The following CRELD1 variants were observed in gnomAD, a reference collection of about 807,000 sequenced individuals.
CRELD1 encodes the protein protein disulfide isomerase CRELD1.
Under a neutral mutation model 58.2 loss-of-function variants are expected in CRELD1, and 42 were observed. That is an observed-to-expected ratio of 0.72 (90% CI 0.56 to 0.93). CRELD1 has a LOEUF of 0.93. CRELD1 is among the 40% of genes least tolerant of loss of function. CRELD1 has a pLI of 0.00. For missense variants in CRELD1, 500 were observed against 540.6 expected (o/e 0.92, Z 0.74); for synonymous variants, 222 against 202.0 (o/e 1.10, Z -0.84).
At chr3:9,935,943 T>C (rs1483892495) in intron 3 of CRELD1, 2 of 152,142 alleles carry the variant, frequency 1.3e-5, no homozygotes, top group East Asian at 1.9e-4. Context: ...AAGAAAGCCA[T>C]GGGAAGGATA....
At chr3:9,938,167 T>C (rs920234388) in intron 5 of CRELD1, 61 bp downstream of exon 5, 3 of 1,298,896 alleles carry the variant, frequency 2.3e-6, no homozygotes, top group African/African-American at 1.5e-5. Flanking sequence ...GATCCAGTCC[T>C]GGCTCTGTCC....
chr3:9,937,710 G>A lies in CRELD1; in HGVS notation c.368+38G>A, dbSNP rs374957193. On this transcript the variant is annotated intron_variant, in intron 4 of 10. Transcript: ENST00000452070. Reference sequence around the variant, plus strand: ...GGGCCTTCCCTGGAAGTGGGTCACAGGTGAGGCCTGGTGATAAGGCCTGAT... The same window carrying A: ...GGGCCTTCCCTGGAAGTGGGTCACAAGTGAGGCCTGGTGATAAGGCCTGAT... 3.5e-5 allele frequency: 48 copies of A among 1,387,344 alleles called. No individual in the cohort carries two copies. In the African/African-American group the frequency reaches 6.6e-4, roughly 19 times the overall value. The allele number at this position is 1,387,344 out of a possible 1,614,324, so 85.9% of individuals were successfully genotyped here.
Position 9,944,520 on chromosome 3 carries a change from G to A in CRELD1, c.1204G>A (p.Gly402Ser), listed in dbSNP as rs1215649598. Residue 402 changes from glycine to serine, a missense_variant, in exon 11 of 11, where the codon GGC (glycine) becomes AGC (serine). Gly to Ser is a moderately conservative substitution (Grantham distance 56). Transcript: ENST00000452070. ...IFIGAVAAMTGYWLSERSDRV... is the reference protein window; with the variant it reads ...IFIGAVAAMTSYWLSERSDRV... ...CATTGGGGCTGTGGCGGCCATGACTGGCTACTGGTTGTCAGAGCGCAGTGA... is the reference window on the plus strand; with the variant it reads ...CATTGGGGCTGTGGCGGCCATGACTAGCTACTGGTTGTCAGAGCGCAGTGA... 2 of 1,612,388 alleles carry A rather than the reference G, an allele frequency of 1.2e-6. No homozygotes were observed. The highest frequency in any genetic ancestry group is 1.7e-5 in the Admixed American group (1 of 60,026).
chr3:9,937,733 G>C, intron 4 of CRELD1, 61 bp downstream of exon 4: 1 of 1,207,192 alleles, frequency 8.3e-7, no homozygotes, highest in Non-Finnish European at 1.2e-6. Context: ...GATAAGGCCT[G>C]ATTTGGCCGA....
chr3:9,943,556 A>T, intron 10 of CRELD1, 41 bp downstream of exon 10: 1 of 1,613,462 alleles, frequency 6.2e-7, no homozygotes, highest in Non-Finnish European at 8.5e-7. Flanking sequence ...TCATTCAAAG[A>T]GAAGGCAGGC....
chr3:9,941,297 C>T, intron 7 of CRELD1, 91 bp downstream of exon 7: 10 of 1,122,764 alleles, frequency 8.9e-6, no homozygotes, highest in Non-Finnish European at 1.3e-5. Context: ...CTAGACTAGC[C>T]TAGTCTCCAC....
intron 5 of CRELD1, among the ~76,000 whole-genome samples, chr3:9,939,790 T>C (rs7619410): frequency 0.037 from 5,443 of 147,208 alleles, 268 homozygotes; most frequent in African/African-American, 0.11. Context: ...CCTTTCCCCC[T>C]TTTCTATTCC....
At chr3:9,943,206 G>A (rs750115424) in intron 9 of CRELD1, 34 bp downstream of exon 9, 1 of 1,590,398 alleles carries the variant, frequency 6.3e-7, no homozygotes, top group Non-Finnish European at 8.6e-7. Context: ...CAGGCACCTG[G>A]GAGTGCCTCA....
chr3:9,943,848 C>G, intron 10 of CRELD1: 3 of 1,613,844 alleles, frequency 1.9e-6, no homozygotes, highest in Non-Finnish European at 2.5e-6. Context: ...GTAATCACAA[C>G]GATGATGGCA....
rs79223485 is a variant in CRELD1, at chr3:9,943,171, C to T, written c.912C>T (p.Leu304=). ...ATCAGCAGGTGGGCTCCAAGTGTCT[C>T]GGTGAGTCTCCTGCTGATGGGACAC... The part of the protein sequence containing the change: ...PGYQQVGSKC[L]DVDECETEVC... The change falls in exon 9 of 11, where the codon CTC becomes CTT. Residue 304 remains leucine (L), a splice_region_variant and synonymous_variant. Transcript: ENST00000452070. 3.7e-3 allele frequency: 5,900 copies of T among 1,612,092 alleles called. 183 individuals are homozygous for T. In the African/African-American group the frequency reaches 0.067, roughly 18 times the overall value.
rs1003739290 is a variant in CRELD1 at position 9,934,383 on chromosome 3, T to TC, written c.-19-35dup. On this transcript the variant is annotated intron_variant, in intron 1 of 10. Coordinates refer to ENST00000452070, the MANE Select transcript of CRELD1 (RefSeq NM_001077415.3). The stretch of plus-strand genomic sequence containing the variant: ...TTTTCTTTCTCGCGTGGGGCCTGAC[T>TC]CCTTCAGTGAAGCCTCTCCACGCCC... 549 of 1,484,700 alleles carry TC rather than the reference T, an allele frequency of 3.7e-4. 8 individuals are homozygous for TC. The highest frequency in any genetic ancestry group is 2.8e-4 in the Admixed American group (17 of 59,824). The allele number at this position is 1,484,700 out of a possible 1,614,324, so 92.0% of individuals were successfully genotyped here.
chr3:9,942,647 C>G, intron 7 of CRELD1, 166 bp from the exon 8 acceptor site: 1 of 670,672 alleles, frequency 1.5e-6, no homozygotes, highest in Middle Eastern at 2.4e-4. Flanking sequence ...AATGTGGTCT[C>G]TGGCTGGGCA....
Position 9,934,474 on chromosome 3 carries a change from T to G in CRELD1, c.36T>G (p.Ala12=). Residue 12 remains alanine, a synonymous_variant, in exon 2 of 11, where the codon GCT becomes GCG. Transcript: ENST00000452070. ...APWPPKGLVP[A]MLWGLSLFLN... ...GGCCCCCGAAGGGCCTAGTCCCAGC[T>G]ATGCTCTGGGGCCTCAGCCTCTTCC... 1 of 1,613,968 alleles carries G rather than the reference T, an allele frequency of 6.2e-7. No individual in the cohort carries two copies. The highest frequency in any genetic ancestry group is 8.5e-7 in the Non-Finnish European group (1 of 1,179,934).
At position 9,940,127 on chromosome 3, in the gene CRELD1, G is replaced by C. The variant is rs915385848; in HGVS notation, c.461-723G>C. ...GACGGGGTCGCGGCCGGGCAGAGAC[G>C]CTCCTCACTTCCTAGATGGGATGGC... On this transcript the variant is annotated intron_variant, in intron 5 of 10. Transcript: ENST00000452070. 4.6e-5 allele frequency among the ~76,000 whole-genome samples: 7 copies of C among 151,462 alleles called. No individual in the cohort carries two copies. In the South Asian group the frequency reaches 1.3e-3, roughly 27 times the overall value.
Position 9,943,488 on chromosome 3 carries a change from G to A in CRELD1, c.1021G>A (p.Gly341Ser), listed in dbSNP as rs1286456694. ...ICAEGYKQME[G>S]ICVKEQIPES... ...TGCCGAGGGCTACAAGCAGATGGAAGGCATCTGTGTGAAGGAGCAGATCCC... is the reference window on the plus strand; with the variant it reads ...TGCCGAGGGCTACAAGCAGATGGAAAGCATCTGTGTGAAGGAGCAGATCCC... The change falls in exon 10 of 11, where the codon GGC (glycine) becomes AGC (serine). Residue 341 changes from glycine (G) to serine (S), a missense_variant. By Grantham distance (56) the Gly-to-Ser change is moderately conservative. Coordinates refer to ENST00000452070, the MANE Select transcript of CRELD1 (RefSeq NM_001077415.3). The A allele has an allele frequency of 2.5e-6, 4 of 1,614,112 alleles. No homozygotes were observed. The highest frequency in any genetic ancestry group is 2.2e-5 in the East Asian group (1 of 44,858).
intron 3 of CRELD1, 108 bp from the exon 4 acceptor site, chr3:9,937,454 G>A (rs573657276): frequency 3.9e-4 from 300 of 766,186 alleles, no homozygotes; most frequent in Non-Finnish European, 5.9e-4. Flanking sequence ...ATACCTCATG[G>A]CCTCTCCTTT....
chr3:9,934,925 G>A lies in CRELD1; in HGVS notation c.257+8G>A. 1 of 1,605,018 alleles carries A rather than the reference G, an allele frequency of 6.2e-7. No individual in the cohort carries two copies. The highest frequency in any genetic ancestry group is 8.5e-7 in the Non-Finnish European group (1 of 1,175,116). ...GTCCAAATACAAAGACAGGTAAGGG[G>A]CTGCTGGGGGAAGGGGTGTATATTC... On this transcript the variant is annotated splice_region_variant and intron_variant, in intron 3 of 10. Transcript: ENST00000452070.
In CRELD1 at chr3:9,937,612, T is replaced by TC. The variant is rs773817749; in HGVS notation, c.309dup (p.Glu104ArgfsTer10). 2 of 1,612,580 alleles carry TC rather than the reference T, an allele frequency of 1.2e-6. No homozygotes were observed. The highest frequency in any genetic ancestry group is 1.7e-6 in the Non-Finnish European group (2 of 1,179,732). ...GAGGGTGTGTGCAGCAAGTCAGACT[T>TC]CGAGTGCCACCGCCTGCTGGAGCTG... On this transcript the variant is annotated frameshift_variant, in exon 4 of 11. Coordinates refer to ENST00000452070, the MANE Select transcript of CRELD1 (RefSeq NM_001077415.3). LOFTEE classifies it high-confidence loss of function.
chr3:9,940,813 T>C, intron 5 of CRELD1, 37 bp from the exon 6 acceptor site: 2 of 1,561,758 alleles, frequency 1.3e-6, no homozygotes, highest in Non-Finnish European at 1.7e-6. Context: ...ATCAAGGTTG[T>C]ATAGATGACC....
Sources: gnomAD v4.1 joint callset for allele counts (sites outside exome capture counted in the v4.1 genomes callset) on GRCh38, gnomAD v4.1.1 for gene constraint, MANE v1.5 for transcripts, NCBI Gene and HGNC (gene_info 2026-07-23, HGNC 2026-07-21) for gene names.